Variants in RAD51B observed in about 807,000 individuals in gnomAD.
RAD51B encodes RAD51 paralog B, also known as DNA repair protein RAD51 homolog 2.
A neutral mutation model predicts 42.2 loss-of-function variants in RAD51B; 38 were observed. That is an observed-to-expected ratio of 0.90 (90% confidence interval 0.70 to 1.18). The LOEUF (loss-of-function observed/expected upper bound fraction) is 1.18. Among genes scored for constraint, RAD51B ranks in the 50% most tolerant of loss-of-function variants. The pLI, the probability that RAD51B is intolerant of heterozygous loss-of-function variation, is 0.00. For synonymous variants in RAD51B, 154 were observed against 145.2 expected (o/e 1.06, Z -0.43); for missense variants, 373 against 400.7 (o/e 0.93, Z 0.59).
chr14:68,649,664 G>T (rs1393705466), intron 10 of RAD51B, among the ~76,000 whole-genome samples: 1 of 152,118 alleles, frequency 6.6e-6, no homozygotes, highest in Non-Finnish European at 1.5e-5. Flanking sequence ...GTCACCCTTG[G>T]GTCAAGTGCC....
chr14:68,549,818 ACT>A (rs1158014208), intron 10 of RAD51B, among the ~76,000 whole-genome samples: 1 of 152,088 alleles, frequency 6.6e-6, no homozygotes, highest in Non-Finnish European at 1.5e-5. Flanking sequence ...GAATCCTGCC[ACT>A]CTCTGCTGAC....
chr14:67,921,290 C>T (rs1308144940), intron 7 of RAD51B, among the ~76,000 whole-genome samples: 2 of 152,078 alleles, frequency 1.3e-5, no homozygotes, highest in Non-Finnish European at 2.9e-5. Flanking sequence ...TTACTGCAGC[C>T]CTGAACTCCT....
At chr14:67,961,744 CTT>C (rs1201873714) in intron 7 of RAD51B, among the ~76,000 whole-genome samples, 1 of 152,042 alleles carries the variant, frequency 6.6e-6, no homozygotes, top group Non-Finnish European at 1.5e-5. Context: ...GAAATCTACT[CTT>C]TTTCTAGAAA....
intron 7 of RAD51B, among the ~76,000 whole-genome samples, chr14:67,932,284 C>T (rs1344462247): frequency 6.6e-6 from 1 of 152,158 alleles, no homozygotes; most frequent in Non-Finnish European, 1.5e-5. Context: ...TGGGTGCATT[C>T]AGTTGTGTAG....
At chr14:68,595,939 T>C (rs1486001373) in exon 11 of RAD51B, 1 of 493,360 alleles carries the variant, frequency 2.0e-6, no homozygotes, top group Non-Finnish European at 2.8e-6. Flanking sequence ...TTTATTTCTT[T>C]TTTGGAATTG....
chr14:68,552,713 T>A (rs1226769323), intron 10 of RAD51B, among the ~76,000 whole-genome samples: 1 of 152,204 alleles, frequency 6.6e-6, no homozygotes, highest in African/African-American at 2.4e-5. Flanking sequence ...AAAAAGTTAG[T>A]AATAACACGT....
chr14:68,359,110 T>C (rs1284571036), intron 8 of RAD51B, among the ~76,000 whole-genome samples: 1 of 151,918 alleles, frequency 6.6e-6, no homozygotes, highest in African/African-American at 2.4e-5. Context: ...TTATGATGCA[T>C]CTGAAATGGA....
At position 68,421,725 on chromosome 14, in the gene RAD51B, G is replaced by T. The variant is rs1286285943; in HGVS notation, c.957+10198G>T. On this transcript the variant is annotated intron_variant, in intron 9 of 10. Coordinates refer to ENST00000471583, the MANE Select transcript of RAD51B (RefSeq NM_133510.4). ...ATTCGAGTTGTCCACAGTCAGCAAT[G>T]GTGATCTTCTTGCTGGTCTTGCCAT... 15 of 1,588,842 alleles carry T rather than the reference G, an allele frequency of 9.4e-6. No individual in the cohort carries two copies. The East Asian group carries it at 2.9e-4, about 31-fold the overall frequency.
downstream of RAD51B, among the ~76,000 whole-genome samples, chr14:68,612,554 C>A (rs1380079723): frequency 6.6e-6 from 1 of 152,090 alleles, no homozygotes; most frequent in Non-Finnish European, 1.5e-5. Context: ...CATGAGGTAC[C>A]TAGAGGAGTC....
chr14:68,484,426 C>G (rs1883461305), intron 10 of RAD51B, among the ~76,000 whole-genome samples: 1 of 147,446 alleles, frequency 6.8e-6, no homozygotes, highest in South Asian at 2.1e-4. Context: ...GGCGCGATCT[C>G]AGCTCACTGC....
intron 8 of RAD51B, among the ~76,000 whole-genome samples, chr14:68,299,876 G>T (rs1467235259): frequency 6.6e-6 from 1 of 152,158 alleles, no homozygotes; most frequent in Non-Finnish European, 1.5e-5. Context: ...TCTCATCTCT[G>T]TCTTGCCTTT....
intron 10 of RAD51B, among the ~76,000 whole-genome samples, chr14:68,507,077 G>T (rs938363972): frequency 7.2e-5 from 11 of 152,126 alleles, no homozygotes; most frequent in African/African-American, 2.4e-4. Context: ...GTATGTGGAG[G>T]GGGTGGGGAG....
chr14:68,459,932 G>A lies in RAD51B; in HGVS notation c.958-8240G>A, dbSNP rs564274041. On this transcript the variant is annotated intron_variant, in intron 9 of 10. Coordinates refer to ENST00000471583, the MANE Select transcript of RAD51B (RefSeq NM_133510.4). ...AGATTTGGGGTTGGGGTGGGAAGGG[G>A]AAGGAAATAGAAGAGAGGAAGAATT... is the stretch of plus-strand genomic sequence containing the variant. 4.6e-5 allele frequency among the ~76,000 whole-genome samples: 7 copies of A among 152,288 alleles called. 1 individual carries two copies. The highest frequency in any genetic ancestry group is 1.7e-4 in the African/African-American group (7 of 41,576).
chr14:67,864,898 G>T, intron 4 of RAD51B, 105 bp from the exon 5 acceptor site: 1 of 1,402,118 alleles, frequency 7.1e-7, no homozygotes, highest in Non-Finnish European at 9.5e-7. Flanking sequence ...TAGTTGGACT[G>T]CATATATGGC....
intron 10 of RAD51B, among the ~76,000 whole-genome samples, chr14:68,631,915 G>A (rs1487366651): frequency 6.6e-6 from 1 of 152,196 alleles, no homozygotes; most frequent in African/African-American, 2.4e-5. Context: ...AGAGTTTGAA[G>A]ATGAGATTTC....
At chr14:68,083,381 CTT>C (rs146062237) in intron 7 of RAD51B, among the ~76,000 whole-genome samples, 7,111 of 152,184 alleles carry the variant, frequency 0.047, 225 homozygotes, top group Non-Finnish European at 0.075. Context: ...GGTTTGTTGA[CTT>C]ATGTCAGATT....
chr14:67,935,730 C>T (rs1462115261), intron 7 of RAD51B, among the ~76,000 whole-genome samples: 1 of 152,090 alleles, frequency 6.6e-6, no homozygotes, highest in Non-Finnish European at 1.5e-5. Context: ...CAGCTGCAGT[C>T]TTCTTGTTTC....
chr14:68,381,904 G>A (rs1017308966), intron 8 of RAD51B, among the ~76,000 whole-genome samples: 1 of 152,122 alleles, frequency 6.6e-6, no homozygotes, highest in South Asian at 2.1e-4. Context: ...ATGGAACCCT[G>A]TCCACAGTTT....
intron 10 of RAD51B, among the ~76,000 whole-genome samples, chr14:68,606,000 ACTGT>A (rs1302921669): frequency 2.6e-5 from 4 of 152,184 alleles, no homozygotes; most frequent in Non-Finnish European, 4.4e-5. Flanking sequence ...TGAAGTCTAA[ACTGT>A]CAGTCAGCGT....
Sources: allele counts gnomAD v4.1 joint callset (sites outside exome capture counted in the v4.1 genomes callset), GRCh38; gene constraint gnomAD v4.1.1; transcripts MANE v1.5; gene names NCBI Gene and HGNC (gene_info 2026-07-23, HGNC 2026-07-21).